Variants in ZNF69 observed in about 807,000 individuals in gnomAD.
ZNF69 encodes zinc finger protein 69.
Under a neutral mutation model 50.9 loss-of-function variants are expected in ZNF69, and 47 were observed. That is an observed-to-expected ratio of 0.92 (90% CI 0.73 to 1.18). The LOEUF (loss-of-function observed/expected upper bound fraction) is 1.18, where lower values mean the gene tolerates loss of function less well. Ranked by LOEUF, ZNF69 falls within the 50% of genes most tolerant of loss-of-function variation. The pLI, the probability that ZNF69 is intolerant of heterozygous loss-of-function variation, is 0.00. For missense variants in ZNF69, 717 were observed against 675.1 expected (o/e 1.06, Z -0.69); for synonymous variants, 216 against 223.1 (o/e 0.97, Z 0.29).
At chr19:11,964,989 C>A in the ZNF69 span, 2 of 529,130 alleles carry the variant, frequency 3.8e-6, no homozygotes, top group African/African-American at 3.9e-5. Flanking sequence ...TCAGAGGTGC[C>A]GGGGCAGGGC....
chr19:11,949,422 G>A, the ZNF69 span: 1 of 1,613,522 alleles, frequency 6.2e-7, no homozygotes, highest in Non-Finnish European at 8.5e-7. Flanking sequence ...TGCATGGTAG[G>A]ACTCATACTG....
chr19:11,944,451 G>GT, the ZNF69 span, among the ~76,000 whole-genome samples: 1 of 152,156 alleles, frequency 6.6e-6, no homozygotes, highest in African/African-American at 2.4e-5. Context: ...GCAGCATGCA[G>GT]TATCCATGTG....
At chr19:11,892,736 C>T (rs190303252) in intron 1 of ZNF69, among the ~76,000 whole-genome samples, 2 of 152,304 alleles carry the variant, frequency 1.3e-5, no homozygotes, top group African/African-American at 4.8e-5. Context: ...AAGGAGAGTT[C>T]CAGCTGGCTA....
chr19:11,943,265 GATT>G, the ZNF69 span, among the ~76,000 whole-genome samples: 1 of 152,162 alleles, frequency 6.6e-6, no homozygotes, highest in Non-Finnish European at 1.5e-5. Flanking sequence ...ACTTGCCCTT[GATT>G]ATTTATATGC....
intron 1 of ZNF69, among the ~76,000 whole-genome samples, chr19:11,902,927 T>A (rs1192105125): frequency 3.3e-5 from 5 of 152,164 alleles, no homozygotes; most frequent in Non-Finnish European, 5.9e-5. Flanking sequence ...GGTAAATACA[T>A]TTCCTATCCT....
At position 11,898,385 on chromosome 19, in the gene ZNF69, CTT is replaced by C. The variant is rs745487579; in HGVS notation, c.64-5166_64-5165del. Among the ~76,000 whole-genome samples the C allele has an allele frequency of 4.3e-3, 399 of 91,814 alleles. 2 individuals carry two copies. The highest frequency in any genetic ancestry group is 0.017 in the African/African-American group (365 of 21,628). The allele number at this position is 91,814 out of a possible 152,430, so 60.2% of individuals were successfully genotyped here. On this transcript the variant is annotated intron_variant, in intron 1 of 3. Transcript: ENST00000429654. ...CTTCCAGGCTCATAGTTCCTCCTGGCTTTTTTTTTTTTTTTTTTTTTTTGAGA... is the reference window on the plus strand; with the variant it reads ...CTTCCAGGCTCATAGTTCCTCCTGGCTTTTTTTTTTTTTTTTTTTTTGAGA...
the ZNF69 span, among the ~76,000 whole-genome samples, chr19:11,934,974 A>G: frequency 5.4e-4 from 79 of 146,910 alleles, 6 homozygotes; most frequent in Middle Eastern, 6.8e-3. Context: ...AGGTCAGATC[A>G]AGACCATCCT....
At chr19:11,925,090 A>C in the ZNF69 span, 1 of 1,136,616 alleles carries the variant, frequency 8.8e-7, no homozygotes, top group Non-Finnish European at 1.3e-6. Flanking sequence ...TCATCCGGAA[A>C]TGGAGGGGGT....
the ZNF69 span, among the ~76,000 whole-genome samples, chr19:11,972,361 T>C: frequency 1.3e-5 from 2 of 152,216 alleles, no homozygotes; most frequent in Non-Finnish European, 2.9e-5. Context: ...TTTTAAAAAT[T>C]ACATTCAACA....
chr19:11,916,002 C>T (rs1224106284), downstream of ZNF69, among the ~76,000 whole-genome samples: 2 of 152,130 alleles, frequency 1.3e-5, no homozygotes, highest in East Asian at 3.9e-4. Context: ...TGGAGGAGCC[C>T]TTTATACTGA....
At chr19:11,949,450 T>C in the ZNF69 span, 1 of 1,612,538 alleles carries the variant, frequency 6.2e-7, no homozygotes, top group Non-Finnish European at 8.5e-7. Flanking sequence ...ACCCTATGAA[T>C]GTAAGGAATG....
intron 1 of ZNF69, among the ~76,000 whole-genome samples, chr19:11,900,976 A>C (rs1652225333): frequency 6.6e-6 from 1 of 152,192 alleles, no homozygotes; most frequent in African/African-American, 2.4e-5. Context: ...TAAATGATTC[A>C]TTAGGAAGTA....
At chr19:11,925,865 T>C in the ZNF69 span, among the ~76,000 whole-genome samples, 1 of 152,176 alleles carries the variant, frequency 6.6e-6, no homozygotes, top group Non-Finnish European at 1.5e-5. Context: ...CTGGAGTAAG[T>C]GGTCCCGAGG....
the ZNF69 span, among the ~76,000 whole-genome samples, chr19:11,922,799 G>C: frequency 6.6e-6 from 1 of 151,562 alleles, no homozygotes; most frequent in Admixed American, 6.6e-5. Context: ...CGGGGAGTCT[G>C]GTGGGCTTTT....
intron 1 of ZNF69, among the ~76,000 whole-genome samples, chr19:11,900,864 C>T (rs958263572): frequency 6.6e-6 from 1 of 152,120 alleles, no homozygotes; most frequent in African/African-American, 2.4e-5. Flanking sequence ...ACAGATCATG[C>T]TTTTTGTGTT....
At chr19:11,903,501 T>C (rs1972291484) in intron 1 of ZNF69, 72 bp from the exon 2 acceptor site, 24 of 1,589,730 alleles carry the variant, frequency 1.5e-5, no homozygotes, top group African/African-American at 4.1e-5. Flanking sequence ...TGAGAACTTC[T>C]TGAGAATAGA....
chr19:11,917,878 C>A (rs1972535636), downstream of ZNF69, among the ~76,000 whole-genome samples: 1 of 145,734 alleles, frequency 6.9e-6, no homozygotes, highest in Non-Finnish European at 1.5e-5. Flanking sequence ...ACCTTTGTCT[C>A]CTGGGCTCAA....
chr19:11,965,943 G>A, the ZNF69 span, among the ~76,000 whole-genome samples: 2 of 152,178 alleles, frequency 1.3e-5, no homozygotes, highest in African/African-American at 2.4e-5. Flanking sequence ...GGCACAGGTG[G>A]TTGAGGGATT....
At chr19:11,934,735 C>T in the ZNF69 span, among the ~76,000 whole-genome samples, 1 of 147,564 alleles carries the variant, frequency 6.8e-6, no homozygotes, top group Admixed American at 6.7e-5. Flanking sequence ...CCATGTTGGC[C>T]AGGCAGGTCT....
Sources: allele counts gnomAD v4.1 joint callset (sites outside exome capture counted in the v4.1 genomes callset), GRCh38; gene constraint gnomAD v4.1.1; transcripts MANE v1.5; gene names NCBI Gene and HGNC (gene_info 2026-07-23, HGNC 2026-07-21).